The following CACNG3 variants were observed in gnomAD, a reference collection of about 807,000 sequenced individuals.
CACNG3 encodes voltage-dependent calcium channel gamma-3 subunit.
In CACNG3, 3 loss-of-function variants were observed where a neutral mutation model predicts 28.5. That is an observed-to-expected ratio of 0.11 (90% confidence interval 0.05 to 0.27). The LOEUF (loss-of-function observed/expected upper bound fraction) is 0.27, where lower values mean the gene tolerates loss of function less well. Among genes scored for constraint, CACNG3 ranks in the 10% least tolerant of loss-of-function variants. The pLI, the probability that CACNG3 is intolerant of heterozygous loss-of-function variation, is 1.00. For synonymous variants in CACNG3, 174 were observed against 162.2 expected (o/e 1.07, Z -0.55); for missense variants, 236 against 414.4 (o/e 0.57, Z 3.74).
intron 1 of CACNG3, among the ~76,000 whole-genome samples, chr16:24,291,691 G>C (rs975349773): frequency 9.2e-5 from 14 of 152,010 alleles, no homozygotes; most frequent in Non-Finnish European, 1.9e-4. Flanking sequence ...CCACTTACTG[G>C]GTGTGTGATG....
intron 1 of CACNG3, among the ~76,000 whole-genome samples, chr16:24,285,854 T>A (rs868192265): frequency 3.2e-4 from 48 of 148,790 alleles, no homozygotes; most frequent in Middle Eastern, 6.9e-3. Context: ...TCTTTTTTTT[T>A]TTTTTTTGAG....
intron 1 of CACNG3, among the ~76,000 whole-genome samples, chr16:24,335,706 G>A (rs1308221077): frequency 6.6e-6 from 1 of 152,094 alleles, no homozygotes; most frequent in Non-Finnish European, 1.5e-5. Flanking sequence ...GGGATTGTGA[G>A]GAATACCCAA....
intron 1 of CACNG3, among the ~76,000 whole-genome samples, chr16:24,258,511 A>G (rs936001242): frequency 6.6e-6 from 1 of 152,198 alleles, no homozygotes; most frequent in Admixed American, 6.5e-5. Flanking sequence ...TTGAATTAAC[A>G]TTATCTAAAG....
At chr16:24,315,183 G>A (rs1252897297) in intron 1 of CACNG3, among the ~76,000 whole-genome samples, 1 of 152,172 alleles carries the variant, frequency 6.6e-6, no homozygotes, top group African/African-American at 2.4e-5. Flanking sequence ...TATTCACTGT[G>A]TGATGTACCT....
rs1473678003 is a variant in CACNG3 at position 24,256,459 on chromosome 16, G to C, written c.-296G>C. 5.2e-6 allele frequency: 2 copies of C among 387,250 alleles called. No homozygotes were observed. The highest frequency in any genetic ancestry group is 9.5e-6 in the Non-Finnish European group (2 of 209,546). 24.0% of individuals were successfully genotyped at this position (387,250 alleles called of 1,614,324 possible). On this transcript the variant is annotated 5_prime_UTR_variant, in exon 1 of 4. Transcript: ENST00000005284. The surrounding 1 kb of genome is among the most constrained non-coding windows in gnomAD (Gnocchi z 4.6). The stretch of plus-strand genomic sequence containing the variant: ...GGAGCCATGCCCTGCACGGACCCTC[G>C]TCTTTACCACGCTCCTGAGGAATGA...
rs535965071 is a variant in CACNG3 at position 24,283,256 on chromosome 16, T to C, written c.211+26291T>C. On this transcript the variant is annotated intron_variant, in intron 1 of 3. Coordinates refer to ENST00000005284, the MANE Select transcript of CACNG3 (RefSeq NM_006539.4). ...TGTCTCATTGTAGGATATTGAGATA[T>C]TAATTTTAAAATGTAATTAACAGGC... Among the ~76,000 whole-genome samples the C allele has an allele frequency of 2.0e-5, 3 of 152,314 alleles. No individual in the cohort carries two copies. The East Asian group carries it at 5.8e-4, about 29-fold the overall frequency.
chr16:24,256,535 G>A lies in CACNG3; in HGVS notation c.-220G>A, dbSNP rs149431324. On this transcript the variant is annotated 5_prime_UTR_variant, in exon 1 of 4. Transcript: ENST00000005284. This position sits in a 1 kb window ranked among gnomAD's most constrained non-coding sequence, Gnocchi z 4.6. ...CAGCAGTGATGCGGACCAACCCCCC[G>A]GAGCCTGCACCCTTCCGAGGGCCAT... 6 of 559,620 alleles carry A rather than the reference G, an allele frequency of 1.1e-5. No individual in the cohort carries two copies. The highest frequency in any genetic ancestry group is 3.0e-5 in the East Asian group (1 of 33,122). 34.7% of individuals were successfully genotyped at this position (559,620 alleles called of 1,614,324 possible).
intron 1 of CACNG3, among the ~76,000 whole-genome samples, chr16:24,277,540 C>T (rs569378402): frequency 6.6e-5 from 10 of 152,098 alleles, no homozygotes; most frequent in African/African-American, 1.9e-4. Flanking sequence ...TTTGGGAGGC[C>T]GAGGTGCGCG....
At position 24,361,759 on chromosome 16, in the gene CACNG3, T is replaced by C. The variant is rs1391312147; in HGVS notation, c.844T>C (p.Ser282Pro). ...GATCACCATGGGGACCCTCCTCAAC[T>C]CCGACCGGGACCACGCTTTTCTACA... ...SKITMGTLLN[S>P]DRDHAFLQFH... The change falls in exon 4 of 4, where the codon TCC (serine) becomes CCC (proline). Residue 282 changes from serine to proline, a missense_variant. Physicochemically the swap from Ser to Pro is moderately conservative, Grantham distance 74 (BLOSUM62 -1). Coordinates refer to ENST00000005284, the MANE Select transcript of CACNG3 (RefSeq NM_006539.4). The surrounding 1 kb of genome is among the most constrained non-coding windows in gnomAD (Gnocchi z 6.8). 6.2e-7 allele frequency: 1 copy of C among 1,613,862 alleles called. No individual in the cohort carries two copies. The highest frequency in any genetic ancestry group is 8.5e-7 in the Non-Finnish European group (1 of 1,179,980).
intron 1 of CACNG3, among the ~76,000 whole-genome samples, chr16:24,329,704 A>G (rs1396973171): frequency 6.6e-6 from 1 of 152,194 alleles, no homozygotes. Flanking sequence ...TTATATTGTC[A>G]TTGTGCTATT....
chr16:24,319,552 C>T (rs1207666867), intron 1 of CACNG3, among the ~76,000 whole-genome samples: 3 of 152,092 alleles, frequency 2.0e-5, no homozygotes, highest in Admixed American at 6.5e-5. Flanking sequence ...CTCCTGGCCT[C>T]AATCAACAAC....
At chr16:24,262,754 C>A (rs528923025) in intron 1 of CACNG3, among the ~76,000 whole-genome samples, 1 of 152,248 alleles carries the variant, frequency 6.6e-6, no homozygotes, top group African/African-American at 2.4e-5. Flanking sequence ...CAAACCCAAT[C>A]TTCTACCTGA....
intron 1 of CACNG3, among the ~76,000 whole-genome samples, chr16:24,257,424 AGAGAT>A: frequency 8.2e-6 from 1 of 122,400 alleles, no homozygotes; most frequent in South Asian, 2.6e-4. Context: ...AGAGAGAGAG[AGAGAT>A]CCTGACCCGG....
At chr16:24,337,043 G>C (rs1469784546) in intron 1 of CACNG3, among the ~76,000 whole-genome samples, 1 of 151,862 alleles carries the variant, frequency 6.6e-6, no homozygotes, top group East Asian at 1.9e-4. Flanking sequence ...TGAACTCCTG[G>C]GCTCAATAGA....
At chr16:24,339,543 G>A (rs982841326) in intron 1 of CACNG3, among the ~76,000 whole-genome samples, 5 of 151,884 alleles carry the variant, frequency 3.3e-5, no homozygotes, top group African/African-American at 9.7e-5. Flanking sequence ...CCGCCACCAC[G>A]CCCAGCTAAT....
At chr16:24,351,661 C>T (rs200808217) in intron 2 of CACNG3, among the ~76,000 whole-genome samples, 2 of 111,092 alleles carry the variant, frequency 1.8e-5, no homozygotes, top group Non-Finnish European at 3.4e-5. Context: ...GAAAGACAGA[C>T]GAAAGAAAGA....
chr16:24,303,206 G>A (rs71391557), intron 1 of CACNG3, among the ~76,000 whole-genome samples: 7,922 of 151,962 alleles, frequency 0.052, 326 homozygotes, highest in African/African-American at 0.1. Context: ...CACATTCCTC[G>A]CTGTCTCCTC....
chr16:24,269,498 TC>T (rs778287359), intron 1 of CACNG3, among the ~76,000 whole-genome samples: 1 of 152,098 alleles, frequency 6.6e-6, no homozygotes, highest in Non-Finnish European at 1.5e-5. Flanking sequence ...ACACCTGTGA[TC>T]CCAGCAGTTT....
chr16:24,301,305 C>A (rs1483009901), intron 1 of CACNG3, among the ~76,000 whole-genome samples: 1 of 151,328 alleles, frequency 6.6e-6, no homozygotes. Context: ...ATATGGGTAA[C>A]ATTGGGTCAT....
Sources: allele counts gnomAD v4.1 joint callset (sites outside exome capture counted in the v4.1 genomes callset), GRCh38; gene constraint gnomAD v4.1.1; non-coding constraint Gnocchi (gnomAD v3.1); transcripts MANE v1.5; gene names NCBI Gene and HGNC (gene_info 2026-07-23, HGNC 2026-07-21).